Variants in OSBPL3 observed in about 807,000 individuals in gnomAD.
OSBPL3 encodes the protein oxysterol binding protein like 3.
OSBPL3 carries 65 observed loss-of-function variants against 120.1 expected under a neutral mutation model. The ratio of observed to expected loss-of-function variants is 0.54; its 90% confidence interval spans 0.44 to 0.67. The LOEUF (loss-of-function observed/expected upper bound fraction) is 0.67. Among genes scored for constraint, OSBPL3 ranks in the 30% least tolerant of loss-of-function variants. The pLI is 0.00. For missense variants in OSBPL3, 1,004 were observed against 1,082.1 expected (o/e 0.93, Z 1.01); for synonymous variants, 416 against 402.6 (o/e 1.03, Z -0.40).
At chr7:24,910,442 T>C (rs571768757) in intron 1 of OSBPL3, among the ~76,000 whole-genome samples, 8 of 152,276 alleles carry the variant, frequency 5.3e-5, no homozygotes, top group African/African-American at 1.9e-4. Flanking sequence ...AAGGAAGAAA[T>C]ACTTATGAAT....
Position 24,913,481 on chromosome 7 carries a change from A to C in OSBPL3, c.-149-20860T>G, listed in dbSNP as rs1289373416. On this transcript the variant is annotated intron_variant, in intron 1 of 22. Coordinates refer to ENST00000313367, the MANE Select transcript of OSBPL3 (RefSeq NM_015550.4). The surrounding 1 kb of genome is among the most constrained non-coding windows in gnomAD (Gnocchi z 5.3). ...GGGGCTCCTTGACCAACAAACCCTG[A>C]CTCCCTTATAAAGTCACTTACAAGA... 1.3e-5 allele frequency among the ~76,000 whole-genome samples: 2 copies of C among 151,190 alleles called. No individual in the cohort carries two copies. Among genetic ancestry groups the C allele is most frequent in the Non-Finnish European group, 2.9e-5 (2 of 67,856 alleles).
At position 24,835,428 on chromosome 7, in the gene OSBPL3, G is replaced by C. The variant is rs1796879531; in HGVS notation, c.1496-692C>G. ...AAGTCAAAAAATAACATGCTGGTGA[G>C]GCTGCAGAGAAAAGGGAATACTTAT... On this transcript the variant is annotated intron_variant, in intron 14 of 22. Transcript: ENST00000313367. This position sits in a 1 kb window ranked among gnomAD's most constrained non-coding sequence, Gnocchi z 4.8. 1.3e-5 allele frequency among the ~76,000 whole-genome samples: 2 copies of C among 152,134 alleles called. No homozygotes were observed. Among genetic ancestry groups the C allele is most frequent in the African/African-American group, 2.4e-5 (1 of 41,428 alleles).
At chr7:24,892,234 C>A in intron 2 of OSBPL3, 143 bp downstream of exon 2, 1 of 646,308 alleles carries the variant, frequency 1.5e-6, no homozygotes, top group Non-Finnish European at 2.6e-6. Context: ...ACAGAATTTA[C>A]TCTCCTCATA....
rs546675975 is a variant in OSBPL3, at chr7:24,980,070, G to A, written c.-334C>T. The stretch of plus-strand genomic sequence containing the variant: ...CCACTTGCAGACAGACTGCGGGGCC[G>A]GAGCCGCGCTGCGCACCGGCCGCGA... On this transcript the variant is annotated 5_prime_UTR_variant, in exon 1 of 23. Coordinates refer to ENST00000313367, the MANE Select transcript of OSBPL3 (RefSeq NM_015550.4). The A allele has an allele frequency of 1.7e-3, 1,641 of 985,002 alleles. 27 individuals are homozygous for A. The African/African-American group carries it at 0.025, about 15-fold the overall frequency. The allele number at this position is 985,002 out of a possible 1,614,324, so 61.0% of individuals were successfully genotyped here.
In OSBPL3 at chr7:24,818,932, C is replaced by T. The variant is rs980609472; in HGVS notation, c.1948+1243G>A. On this transcript the variant is annotated intron_variant, in intron 17 of 22. Coordinates refer to ENST00000313367, the MANE Select transcript of OSBPL3 (RefSeq NM_015550.4). The surrounding 1 kb of genome is among the most constrained non-coding windows in gnomAD (Gnocchi z 4.0). ...TGTAACACAGGAGCACACAAAACTA[C>T]TTTGAGAAGACCCCTCGCATTAAAA... Among the ~76,000 whole-genome samples the T allele has an allele frequency of 1.3e-5, 2 of 152,078 alleles. No individual in the cohort carries two copies. Among genetic ancestry groups the T allele is most frequent in the Non-Finnish European group, 2.9e-5 (2 of 68,008 alleles).
chr7:24,834,189 T>G lies in OSBPL3; in HGVS notation c.1746+297A>C, dbSNP rs1309320420. On this transcript the variant is annotated intron_variant, in intron 15 of 22. Coordinates refer to ENST00000313367, the MANE Select transcript of OSBPL3 (RefSeq NM_015550.4). This position sits in a 1 kb window ranked among gnomAD's most constrained non-coding sequence, Gnocchi z 5.2. ...AAGACATGTTTTCCAGCCGGGCACA[T>G]CGGAACAATCAGCCAGAAGGCTTCT... 9.0e-7 allele frequency: 1 copy of G among 1,105,276 alleles called. No homozygotes were observed. Among genetic ancestry groups the G allele is most frequent in the Admixed American group, 5.0e-5 (1 of 19,928 alleles). The allele number at this position is 1,105,276 out of a possible 1,614,324, so 68.5% of individuals were successfully genotyped here. A position where few individuals can be genotyped will look rare whatever the true frequency, so the allele number is the denominator to read the frequency against.
In OSBPL3 at chr7:24,824,616, T is replaced by C. The variant is rs969219479; in HGVS notation, c.1885-4378A>G. Among the ~76,000 whole-genome samples the C allele has an allele frequency of 2.2e-4, 33 of 152,354 alleles. No homozygotes were observed. The highest frequency in any genetic ancestry group is 2.1e-4 in the South Asian group (1 of 4,832). ...TTCCAGGTCACTCATCAAGTACTTA[T>C]TGATTGCCTGTGATGTGTCAGGCAC... On this transcript the variant is annotated intron_variant, in intron 16 of 22. Transcript: ENST00000313367. This position sits in a 1 kb window ranked among gnomAD's most constrained non-coding sequence, Gnocchi z 4.9.
Position 24,900,814 on chromosome 7 carries a change from T to C in OSBPL3, c.-149-8193A>G, listed in dbSNP as rs1806874718. Among the ~76,000 whole-genome samples, 1 of 151,828 alleles carries C rather than the reference T, an allele frequency of 6.6e-6. No individual in the cohort carries two copies. The highest frequency in any genetic ancestry group is 2.1e-4 in the South Asian group (1 of 4,806). ...GAAACCCCCATCTTTACAAAAAATA[T>C]TAGGTTGGTGTGAAAGTAAGTGCGG... On this transcript the variant is annotated intron_variant, in intron 1 of 22. Coordinates refer to ENST00000313367, the MANE Select transcript of OSBPL3 (RefSeq NM_015550.4). This position sits in a 1 kb window ranked among gnomAD's most constrained non-coding sequence, Gnocchi z 4.5.
chr7:24,810,082 C>G lies in OSBPL3; in HGVS notation c.2173-131G>C, dbSNP rs1793586414. 6 of 940,390 alleles carry G rather than the reference C, an allele frequency of 6.4e-6. No individual in the cohort carries two copies. The Admixed American group carries it at 9.3e-5, about 15-fold the overall frequency. 58.3% of individuals were successfully genotyped at this position (940,390 alleles called of 1,614,324 possible). On this transcript the variant is annotated intron_variant, in intron 19 of 22. Transcript: ENST00000313367. ...CATACTGCATATTAGTTTGCTAGTT[C>G]TGGGTTCCGTTTTTTTAACCGACAA...
chr7:24,969,299 T>C (rs73078285), intron 1 of OSBPL3, among the ~76,000 whole-genome samples: 2,831 of 152,364 alleles, frequency 0.019, 43 homozygotes, highest in Middle Eastern at 0.048. Flanking sequence ...TCGTGAACTA[T>C]GTGTTCAAAC....
In OSBPL3 at chr7:24,824,349, CA is replaced by C. The variant is rs2128150235; in HGVS notation, c.1885-4112del. On this transcript the variant is annotated intron_variant, in intron 16 of 22. Coordinates refer to ENST00000313367, the MANE Select transcript of OSBPL3 (RefSeq NM_015550.4). This position sits in a 1 kb window ranked among gnomAD's most constrained non-coding sequence, Gnocchi z 4.9. ...TTTGAATGCACTTTATATAAGAGGT[CA>C]GGGGAGAAGCAGATAGGAAAAGGAG... Among the ~76,000 whole-genome samples, 1 of 152,224 alleles carries C rather than the reference CA, an allele frequency of 6.6e-6. No homozygotes were observed. The highest frequency in any genetic ancestry group is 2.1e-4 in the South Asian group (1 of 4,826).
At chr7:24,907,541 T>C (rs1808124467) in intron 1 of OSBPL3, among the ~76,000 whole-genome samples, 1 of 152,230 alleles carries the variant, frequency 6.6e-6, no homozygotes, top group Non-Finnish European at 1.5e-5. Context: ...ACTTCATCTC[T>C]AACAACTCAT....
chr7:24,973,982 T>C (rs934728226), intron 1 of OSBPL3, among the ~76,000 whole-genome samples: 1 of 152,208 alleles, frequency 6.6e-6, no homozygotes, highest in African/African-American at 2.4e-5. Flanking sequence ...AACAAGTTAG[T>C]TTTAATTACA....
intron 10 of OSBPL3, among the ~76,000 whole-genome samples, chr7:24,853,432 G>A (rs1292572965): frequency 7.2e-5 from 11 of 152,158 alleles, no homozygotes; most frequent in Admixed American, 7.2e-4. Flanking sequence ...TTACAAGTTG[G>A]CCTATACTAT....
In OSBPL3 at chr7:24,828,811, A is replaced by G. The variant is rs190823079; in HGVS notation, c.1884+1957T>C. ...GGCTCAGAAAGTTGAAGGAACTTACATAAGGTCACACATGGAGCAAATTGT... is the reference window on the plus strand; with the variant it reads ...GGCTCAGAAAGTTGAAGGAACTTACGTAAGGTCACACATGGAGCAAATTGT... On this transcript the variant is annotated intron_variant, in intron 16 of 22. Coordinates refer to ENST00000313367, the MANE Select transcript of OSBPL3 (RefSeq NM_015550.4). 2.2e-3 allele frequency among the ~76,000 whole-genome samples: 336 copies of G among 152,132 alleles called. 1 individual carries two copies. Among genetic ancestry groups the G allele is most frequent in the African/African-American group, 7.7e-3 (318 of 41,496 alleles).
In OSBPL3 at chr7:24,903,124, A is replaced by G. The variant is rs73091437; in HGVS notation, c.-149-10503T>C. Among the ~76,000 whole-genome samples, 1,168 of 152,374 alleles carry G rather than the reference A, an allele frequency of 7.7e-3. 4 individuals are homozygous for G. Among genetic ancestry groups the G allele is most frequent in the South Asian group, 0.026 (125 of 4,832 alleles). On this transcript the variant is annotated intron_variant, in intron 1 of 22. Transcript: ENST00000313367. ...GGTTTTCTAACTGGCAAAAACCACA[A>G]TGACTTGTGTACCAACCTAATACTT...
intron 6 of OSBPL3, 98 bp downstream of exon 6, chr7:24,865,972 C>G: frequency 1.1e-6 from 1 of 942,348 alleles, no homozygotes; most frequent in South Asian, 1.5e-5. Flanking sequence ...TGCTTGTCCC[C>G]GAAAACTTTT....
Position 24,863,482 on chromosome 7 carries a change from G to C in OSBPL3, c.777+14C>G, listed in dbSNP as rs759079079. On this transcript the variant is annotated intron_variant, in intron 8 of 22. Coordinates refer to ENST00000313367, the MANE Select transcript of OSBPL3 (RefSeq NM_015550.4). This position sits in a 1 kb window ranked among gnomAD's most constrained non-coding sequence, Gnocchi z 5.8. ...AGAGGGCCAGAATGTCAACAGAAGAGGAGTCCGGCTCACCTGGATGGCGTT... is the reference window on the plus strand; with the variant it reads ...AGAGGGCCAGAATGTCAACAGAAGACGAGTCCGGCTCACCTGGATGGCGTT... 1.3e-6 allele frequency: 2 copies of C among 1,590,852 alleles called. No individual in the cohort carries two copies. Among genetic ancestry groups the C allele is most frequent in the South Asian group, 2.2e-5 (2 of 90,650 alleles).
intron 1 of OSBPL3, among the ~76,000 whole-genome samples, chr7:24,974,128 C>A (rs1394734849): frequency 6.6e-6 from 1 of 152,154 alleles, no homozygotes; most frequent in Non-Finnish European, 1.5e-5. Context: ...TCAGTAAGGA[C>A]TAGCCACATT....
Sources: allele counts gnomAD v4.1 joint callset (sites outside exome capture counted in the v4.1 genomes callset), GRCh38; gene constraint gnomAD v4.1.1; non-coding constraint Gnocchi (gnomAD v3.1); transcripts MANE v1.5; gene names NCBI Gene and HGNC (gene_info 2026-07-23, HGNC 2026-07-21).